RBFOX2: variants seen among roughly 807,000 people sequenced by gnomAD.
RBFOX2 encodes the protein RNA binding fox-1 homolog 2, also known as RNA binding protein fox-1 homolog 2.
A neutral mutation model predicts 49.1 loss-of-function variants in RBFOX2; 10 were observed. The observed-to-expected ratio is 0.20, with a 90% CI of 0.13 to 0.35. The LOEUF is 0.35. Ranked by LOEUF, RBFOX2 falls within the 10% of genes least tolerant of loss-of-function variation. The probability of loss-of-function intolerance (pLI) is 1.00; values close to 1 mark genes in which losing one functional copy is unlikely to be tolerated. For missense variants in RBFOX2, 323 were observed against 486.9 expected (o/e 0.66, Z 3.17); for synonymous variants, 183 against 187.4 (o/e 0.98, Z 0.19).
upstream of RBFOX2, among the ~76,000 whole-genome samples, chr22:35,845,535 C>T (rs148217041): frequency 9.2e-5 from 14 of 152,074 alleles, no homozygotes; most frequent in Admixed American, 5.9e-4. Flanking sequence ...TAAACTAAGA[C>T]ATCAGTGAGG....
At chr22:35,777,976 T>C (rs202037404) in intron 4 of RBFOX2, 49 bp downstream of exon 5, 61 of 1,523,454 alleles carry the variant, frequency 4.0e-5, no homozygotes, top group Non-Finnish European at 3.6e-6. Flanking sequence ...TAAAATAACA[T>C]AAAACTCAAA....
intron 1 of RBFOX2, among the ~76,000 whole-genome samples, chr22:35,858,359 A>G (rs764494458): frequency 1.3e-5 from 2 of 152,178 alleles, no homozygotes; most frequent in African/African-American, 2.4e-5. Context: ...ATGCTACCTT[A>G]AATGCCATCT....
chr22:35,863,420 A>G (rs935194198), intron 1 of RBFOX2, among the ~76,000 whole-genome samples: 2 of 152,168 alleles, frequency 1.3e-5, no homozygotes, highest in Non-Finnish European at 2.9e-5. Context: ...CCGAAAAACA[A>G]TAAGAAGCCA....
At chr22:35,938,901 T>C (rs749795740), upstream of RBFOX2, 13 of 1,612,856 alleles carry the variant, frequency 8.1e-6, no homozygotes, top group South Asian at 1.2e-4. Context: ...GCTCGTTCTA[T>C]GAGAAAGACA....
At chr22:35,941,841 T>C (rs1364673482), upstream of RBFOX2, among the ~76,000 whole-genome samples, 1 of 152,204 alleles carries the variant, frequency 6.6e-6, no homozygotes, top group Non-Finnish European at 1.5e-5. Flanking sequence ...ATGGATTTAC[T>C]CCTCCACCTG....
chr22:35,959,165 T>C lies in RBFOX2; in HGVS notation c.42+2398A>G, dbSNP rs754690623. On this transcript the variant is annotated intron_variant, in intron 1 of 5. Coordinates refer to the RBFOX2 transcript ENST00000408983. ...GGGAAAAGGAAAAGCCAGTGACATA[T>C]GCAGGCACTGCAATGCGCTAGATAA... Among the ~76,000 whole-genome samples, 47 of 152,186 alleles carry C rather than the reference T, an allele frequency of 3.1e-4. 1 individual carries two copies. Among genetic ancestry groups the C allele is most frequent in the Non-Finnish European group, 6.0e-4 (41 of 68,026 alleles).
intron 1 of RBFOX2, among the ~76,000 whole-genome samples, chr22:35,830,296 G>A (rs796226531): frequency 4.6e-5 from 7 of 152,266 alleles, no homozygotes; most frequent in African/African-American, 1.7e-4. Context: ...TAAGCTAAAC[G>A]AACAATGCAT....
intron 1 of RBFOX2, among the ~76,000 whole-genome samples, chr22:35,985,765 A>C (rs1203204863): frequency 6.6e-6 from 1 of 152,204 alleles, no homozygotes; most frequent in East Asian, 1.9e-4. Context: ...GAATAGAAAG[A>C]GAAAAGGACA....
chr22:35,947,091 T>G (rs12158336), intron 1 of RBFOX2, among the ~76,000 whole-genome samples: 71 of 152,188 alleles, frequency 4.7e-4, no homozygotes, highest in African/African-American at 1.7e-3. Flanking sequence ...CTTGGGAGGC[T>G]GAGGGCACAA....
intron 1 of RBFOX2, among the ~76,000 whole-genome samples, chr22:36,014,973 G>A (rs904206610): frequency 2.0e-5 from 3 of 152,144 alleles, no homozygotes; most frequent in Non-Finnish European, 4.4e-5. Flanking sequence ...AAATGCTGCT[G>A]CAAAAAGATC....
At chr22:35,943,856 G>A (rs2053965723), upstream of RBFOX2, among the ~76,000 whole-genome samples, 1 of 152,226 alleles carries the variant, frequency 6.6e-6, no homozygotes, top group African/African-American at 2.4e-5. Context: ...AGTGAGCCGA[G>A]ATCGCGCCAC....
chr22:35,746,657 G>C (rs995230377), intron 9 of RBFOX2, 96 bp from the exon 12 acceptor site: 10 of 594,868 alleles, frequency 1.7e-5, no homozygotes, highest in Non-Finnish European at 2.1e-5. Flanking sequence ...CACACATGTA[G>C]ACACAGGGAC....
chr22:35,836,088 G>A (rs959619716), intron 1 of RBFOX2, among the ~76,000 whole-genome samples: 4 of 152,164 alleles, frequency 2.6e-5, no homozygotes, highest in Non-Finnish European at 4.4e-5. Flanking sequence ...CTCCGTGGAT[G>A]AAGGGTGGGA....
chr22:35,889,267 C>T (rs1279034929), intron 1 of RBFOX2, among the ~76,000 whole-genome samples: 1 of 152,152 alleles, frequency 6.6e-6, no homozygotes, highest in East Asian at 1.9e-4. Flanking sequence ...GAGACCCGCT[C>T]GGGGCATGCA....
chr22:35,917,193 T>A (rs2050524467), intron 1 of RBFOX2, among the ~76,000 whole-genome samples: 1 of 152,174 alleles, frequency 6.6e-6, no homozygotes, highest in East Asian at 1.9e-4. Context: ...AAGGAGCTCA[T>A]GTTGGTAGGG....
chr22:35,934,597 C>T (rs545198411), intron 1 of RBFOX2, among the ~76,000 whole-genome samples: 4 of 152,238 alleles, frequency 2.6e-5, no homozygotes, highest in Non-Finnish European at 5.9e-5. Context: ...CAAAAGCGAG[C>T]GAGGGGCCAG....
upstream of RBFOX2, among the ~76,000 whole-genome samples, chr22:35,963,059 CAAAAAAAAAAA>C (rs34027896): frequency 1.4e-3 from 48 of 33,600 alleles, no homozygotes; most frequent in Admixed American, 3.5e-3. Context: ...AACTCTCCAG[CAAAAAAAAAAA>C]AAAAAAAAAA....
exon 12 of RBFOX2, chr22:35,741,398 C>G (rs1398080487): frequency 6.6e-6 from 1 of 152,278 alleles, no homozygotes; most frequent in Non-Finnish European, 1.5e-5. Flanking sequence ...TCCTCTGACT[C>G]TCTTTTTTAA....
chr22:35,891,595 T>C (rs1046691276), intron 1 of RBFOX2, among the ~76,000 whole-genome samples: 3 of 152,194 alleles, frequency 2.0e-5, no homozygotes, highest in Non-Finnish European at 2.9e-5. Flanking sequence ...AGTTCATCCA[T>C]ATAGAGCATG....
Sources: allele counts gnomAD v4.1 joint callset (sites outside exome capture counted in the v4.1 genomes callset), GRCh38; gene constraint gnomAD v4.1.1; transcripts MANE v1.5; gene names NCBI Gene and HGNC (gene_info 2026-07-23, HGNC 2026-07-21).